The following NBAS variants were observed in gnomAD, a reference collection of about 807,000 sequenced individuals.
NBAS encodes the protein NBAS subunit of NRZ tethering complex, also known as NAG/BC035112 fusion.
NBAS carries 219 observed loss-of-function variants against 302.5 expected under a neutral mutation model. The observed-to-expected ratio is 0.72, with a 90% CI of 0.65 to 0.81. NBAS has a LOEUF of 0.81. NBAS is among the 30% of genes least tolerant of loss of function. The pLI is 0.00. For missense variants in NBAS, 2,932 were observed against 2,841.6 expected (o/e 1.03, Z -0.72); for synonymous variants, 1,118 against 1,021.6 (o/e 1.09, Z -1.80).
the NBAS span, among the ~76,000 whole-genome samples, chr2:15,132,092 T>G: frequency 6.6e-6 from 1 of 152,196 alleles, no homozygotes; most frequent in Non-Finnish European, 1.5e-5. Flanking sequence ...CCCAAATGAG[T>G]TGAAAACTTA....
At position 15,468,480 on chromosome 2, in the gene NBAS, A is replaced by T. The variant is rs1558367308; in HGVS notation, c.1779T>A (p.Pro593=). 6.2e-7 allele frequency: 1 copy of T among 1,614,074 alleles called. No homozygotes were observed. Among genetic ancestry groups the T allele is most frequent in the Non-Finnish European group, 8.5e-7 (1 of 1,179,958 alleles). ...GTTCTTTTGCAGCATCCACATTTTC[A>T]GGAACTCTTTCCAAACACTCATGGA... The part of the protein sequence containing the change: ...WVLHECLERV[P]ENVDAAKELL... The change falls in exon 17 of 52, where the codon CCT becomes CCA. Residue 593 remains proline, a synonymous_variant. Coordinates refer to ENST00000281513, the MANE Select transcript of NBAS (RefSeq NM_015909.4).
At chr2:14,883,191 G>A in the NBAS span, among the ~76,000 whole-genome samples, 2 of 152,138 alleles carry the variant, frequency 1.3e-5, no homozygotes, top group African/African-American at 4.8e-5. Flanking sequence ...AAGCTTCAAG[G>A]TGTGCATATG....
intron 48 of NBAS, among the ~76,000 whole-genome samples, chr2:15,207,298 T>G (rs1354754407): frequency 6.6e-6 from 1 of 152,204 alleles, no homozygotes; most frequent in Non-Finnish European, 1.5e-5. Context: ...TTCTCCCACT[T>G]GGAATGAGGG....
chr2:15,554,425 T>C (rs1205326326), intron 3 of NBAS, among the ~76,000 whole-genome samples: 4 of 151,764 alleles, frequency 2.6e-5, no homozygotes, highest in Non-Finnish European at 2.9e-5. Flanking sequence ...AGAGTACACT[T>C]ATACCAACCC....
At chr2:15,234,833 C>G in intron 45 of NBAS, 86 bp from the exon 46 acceptor site, 1 of 1,343,742 alleles carries the variant, frequency 7.4e-7, no homozygotes. Flanking sequence ...TTTAGATCCT[C>G]GAACCAAATA....
the NBAS span, among the ~76,000 whole-genome samples, chr2:14,831,087 T>A: frequency 1.3e-5 from 2 of 152,164 alleles, no homozygotes; most frequent in Non-Finnish European, 2.9e-5. Flanking sequence ...CTACCTGAAA[T>A]CATGCTTTGT....
Position 15,427,812 on chromosome 2 carries a change from A to C in NBAS, c.2340-18T>G. The C allele has an allele frequency of 6.3e-7, 1 of 1,582,894 alleles. No homozygotes were observed. The highest frequency in any genetic ancestry group is 8.6e-7 in the Non-Finnish European group (1 of 1,156,308). On this transcript the variant is annotated intron_variant, in intron 21 of 51. Coordinates refer to ENST00000281513, the MANE Select transcript of NBAS (RefSeq NM_015909.4). Reference sequence around the variant, plus strand: ...CGTTAAAACTCAAATTTAAAAAAAAATAAGTGTTTAAAATTCACATTACCT... The same window carrying C: ...CGTTAAAACTCAAATTTAAAAAAAACTAAGTGTTTAAAATTCACATTACCT...
At chr2:14,977,947 GT>G in the NBAS span, among the ~76,000 whole-genome samples, 1 of 152,036 alleles carries the variant, frequency 6.6e-6, no homozygotes, top group Non-Finnish European at 1.5e-5. Context: ...TGGTGCAAAT[GT>G]TTTTATGTTA....
chr2:15,544,772 G>C (rs1014425333), intron 6 of NBAS, among the ~76,000 whole-genome samples: 9 of 152,322 alleles, frequency 5.9e-5, no homozygotes, highest in African/African-American at 2.2e-4. Flanking sequence ...AGCACTTTGA[G>C]AGGCCAAGGC....
chr2:15,270,598 T>A (rs1416986985), intron 44 of NBAS, among the ~76,000 whole-genome samples: 4 of 152,194 alleles, frequency 2.6e-5, no homozygotes, highest in African/African-American at 9.6e-5. Flanking sequence ...AATCTATAAT[T>A]ATTTAATCAA....
rs763137388 is a variant in NBAS, at chr2:15,308,321, C to A, written c.4692G>T (p.Gln1564His). 12 of 1,614,090 alleles carry A rather than the reference C, an allele frequency of 7.4e-6. No homozygotes were observed. The Admixed American group carries it at 1.3e-4, about 18-fold the overall frequency. The change falls in exon 40 of 52, where the codon CAG becomes CAT. Residue 1564 changes from glutamine to histidine, a missense_variant. Gln to His is a conservative substitution (Grantham distance 24, BLOSUM62 0). Coordinates refer to ENST00000281513, the MANE Select transcript of NBAS (RefSeq NM_015909.4). ...GCTGGAGAGATAATGCAGAGGGGGACTGCTTTTCAAAGCACCGGTTAGCAT... is the reference window on the plus strand; with the variant it reads ...GCTGGAGAGATAATGCAGAGGGGGAATGCTTTTCAAAGCACCGGTTAGCAT... ...VLDANRCFEKQSPSALSLQLA... is the reference protein window; with the variant it reads ...VLDANRCFEKHSPSALSLQLA...
intron 44 of NBAS, among the ~76,000 whole-genome samples, chr2:15,261,110 A>T (rs758559413): frequency 1.3e-5 from 2 of 152,236 alleles, no homozygotes; most frequent in Non-Finnish European, 2.9e-5. Flanking sequence ...ACATCAAATT[A>T]TCTCAGCTAT....
At chr2:14,829,214 G>GA in the NBAS span, among the ~76,000 whole-genome samples, 1 of 152,158 alleles carries the variant, frequency 6.6e-6, no homozygotes, top group Middle Eastern at 3.4e-3. Context: ...AGATTACACT[G>GA]AACTCAGCTG....
At chr2:15,113,680 T>C in the NBAS span, among the ~76,000 whole-genome samples, 1 of 152,058 alleles carries the variant, frequency 6.6e-6, no homozygotes, top group African/African-American at 2.4e-5. Flanking sequence ...CTTCTCTCCA[T>C]AAAATTATCT....
At chr2:15,190,705 C>T (rs1194662603) in intron 48 of NBAS, among the ~76,000 whole-genome samples, 4 of 152,106 alleles carry the variant, frequency 2.6e-5, no homozygotes, top group Admixed American at 2.0e-4. Flanking sequence ...GACTGAATTG[C>T]TTTATTTGAA....
intron 44 of NBAS, among the ~76,000 whole-genome samples, chr2:15,262,493 A>G (rs1210726723): frequency 6.6e-6 from 1 of 152,204 alleles, no homozygotes; most frequent in Non-Finnish European, 1.5e-5. Flanking sequence ...TCATTATACA[A>G]AGGCAAAAAC....
intron 21 of NBAS, among the ~76,000 whole-genome samples, chr2:15,439,938 G>A (rs1436988891): frequency 6.6e-6 from 1 of 152,264 alleles, no homozygotes; most frequent in African/African-American, 2.4e-5. Flanking sequence ...CCGCAAGGCG[G>A]CAGTGAGGCT....
intron 15 of NBAS, 99 bp downstream of exon 15, chr2:15,473,968 C>G (rs373918474): frequency 7.1e-7 from 1 of 1,403,644 alleles, no homozygotes; most frequent in African/African-American, 1.4e-5. Flanking sequence ...ATCCAACATC[C>G]CTCTTGAAAT....
At chr2:15,460,785 T>C (rs954571370) in intron 21 of NBAS, among the ~76,000 whole-genome samples, 5 of 152,212 alleles carry the variant, frequency 3.3e-5, no homozygotes, top group African/African-American at 1.2e-4. Context: ...GCCTGTGGAA[T>C]TTCCTATGAA....
Sources: gnomAD v4.1 joint callset for allele counts (sites outside exome capture counted in the v4.1 genomes callset) on GRCh38, gnomAD v4.1.1 for gene constraint, MANE v1.5 for transcripts, NCBI Gene and HGNC (gene_info 2026-07-23, HGNC 2026-07-21) for gene names.